The following CRYBG1 variants were observed in gnomAD, a reference collection of about 807,000 sequenced individuals.
The protein encoded by CRYBG1 is crystallin beta-gamma domain containing 1.
Under a neutral mutation model 189.2 loss-of-function variants are expected in CRYBG1, and 139 were observed. The observed-to-expected ratio is 0.73, with a 90% CI of 0.64 to 0.85. The LOEUF (loss-of-function observed/expected upper bound fraction) is 0.85. CRYBG1 is among the 40% of genes least tolerant of loss of function. The pLI is 0.00. For missense variants in CRYBG1, 2,611 were observed against 2,675.8 expected, an observed-to-expected ratio of 0.98 and a Z score of 0.53; for synonymous variants, 1,023 against 1,017.1, an observed-to-expected ratio of 1.01 and a Z score of -0.11.
chr6:106,399,156 G>C (rs545273387), intron 1 of CRYBG1, among the ~76,000 whole-genome samples: 20 of 152,196 alleles, frequency 1.3e-4, no homozygotes, highest in Admixed American at 1.3e-3. Flanking sequence ...GAAGAAGCCT[G>C]ATGAATCCCA....
chr6:106,470,686 C>T (rs1225332291), intron 2 of CRYBG1, among the ~76,000 whole-genome samples: 3 of 152,086 alleles, frequency 2.0e-5, no homozygotes, highest in Admixed American at 6.5e-5. Context: ...CTACTTAGAC[C>T]GCCTTTCTCA....
At chr6:106,416,004 A>G (rs1411678385) in intron 1 of CRYBG1, among the ~76,000 whole-genome samples, 2 of 152,134 alleles carry the variant, frequency 1.3e-5, no homozygotes, top group Non-Finnish European at 2.9e-5. Context: ...TCAAGAAAGC[A>G]TAAGCCTGCC....
intron 2 of CRYBG1, among the ~76,000 whole-genome samples, chr6:106,509,245 G>T (rs1417356): frequency 0.39 from 59,755 of 151,974 alleles, 12,624 homozygotes; most frequent in Non-Finnish European, 0.46. Flanking sequence ...CTGTTGGGAA[G>T]ATAAAATGAA....
chr6:106,444,192 T>G (rs1387109661), intron 1 of CRYBG1, among the ~76,000 whole-genome samples: 1 of 151,590 alleles, frequency 6.6e-6, no homozygotes, highest in Non-Finnish European at 1.5e-5. Context: ...CTACATTTTC[T>G]CTTCTCTGCC....
intron 2 of CRYBG1, among the ~76,000 whole-genome samples, chr6:106,470,610 A>G (rs1772213410): frequency 6.6e-6 from 1 of 152,154 alleles, no homozygotes; most frequent in East Asian, 1.9e-4. Context: ...CTGCACTATA[A>G]AAAGATGAGT....
At position 106,548,915 on chromosome 6, in the gene CRYBG1, C is replaced by T. The variant is rs1218861621; in HGVS notation, c.5313-2937C>T. ...CCCCTCCCCCCACCCCACAACAGTC[C>T]CCGGTGTGTGATGTTCCCCTTCCTG... On this transcript the variant is annotated intron_variant, in intron 13 of 21. Transcript: ENST00000633556. 5.4e-4 allele frequency among the ~76,000 whole-genome samples: 70 copies of T among 129,634 alleles called. 1 individual carries two copies. The highest frequency in any genetic ancestry group is 2.5e-4 in the Admixed American group (3 of 11,908). 85.0% of individuals were successfully genotyped at this position (129,634 alleles called of 152,430 possible).
Position 106,471,817 on chromosome 6 carries a change from G to A in CRYBG1, c.312+19985G>A, listed in dbSNP as rs73761811. Among the ~76,000 whole-genome samples the A allele has an allele frequency of 3.1e-4, 36 of 115,218 alleles. No individual in the cohort carries two copies. In the East Asian group the frequency reaches 3.2e-3, roughly 10 times the overall value. 75.6% of individuals were successfully genotyped at this position (115,218 alleles called of 152,430 possible). A position where few individuals can be genotyped will look rare whatever the true frequency, so the allele number is the denominator to read the frequency against. On this transcript the variant is annotated intron_variant, in intron 2 of 21. Coordinates refer to ENST00000633556, the MANE Select transcript of CRYBG1 (RefSeq NM_001371242.2). ...TGCCAGACAGTTAAAAAAAAAAAAAGAAGAAGAAAATTAAGAGTCTTATTT... is the reference window on the plus strand; with the variant it reads ...TGCCAGACAGTTAAAAAAAAAAAAAAAAGAAGAAAATTAAGAGTCTTATTT...
intron 1 of CRYBG1, among the ~76,000 whole-genome samples, chr6:106,418,936 T>C (rs925768192): frequency 1.3e-5 from 2 of 152,220 alleles, no homozygotes; most frequent in Admixed American, 6.5e-5. Context: ...CTGATTTACA[T>C]AGGGCCTAAA....
At chr6:106,558,420 A>G in intron 17 of CRYBG1, 66 bp from the exon 18 acceptor site, 6 of 1,356,642 alleles carry the variant, frequency 4.4e-6, no homozygotes, top group Middle Eastern at 1.9e-4. Context: ...TAACAAGATG[A>G]TTTTCACATA....
chr6:106,543,384 G>A, intron 10 of CRYBG1, 56 bp from the exon 11 acceptor site: 3 of 1,495,950 alleles, frequency 2.0e-6, no homozygotes, highest in Non-Finnish European at 2.8e-6. Flanking sequence ...CTGATTTAAT[G>A]TTAAGCTGTT....
Position 106,379,560 on chromosome 6 carries a change from CTCTTT to C in CRYBG1, c.173+18490_173+18494del, listed in dbSNP as rs747318705. On this transcript the variant is annotated intron_variant, in intron 1 of 21. Transcript: ENST00000633556. ...ACAGGCGTGAGCCACCGTGCCTGGC[CTCTTT>C]TCTTTTCTTTAAGAGATGAGGTCTT... is the stretch of plus-strand genomic sequence containing the variant. Among the ~76,000 whole-genome samples, 9 of 151,962 alleles carry C rather than the reference CTCTTT, an allele frequency of 5.9e-5. No individual in the cohort carries two copies. The South Asian group carries it at 6.3e-4, about 11-fold the overall frequency.
intron 1 of CRYBG1, among the ~76,000 whole-genome samples, chr6:106,365,433 A>G (rs1405395985): frequency 2.9e-5 from 4 of 138,230 alleles, no homozygotes; most frequent in Admixed American, 7.8e-5. Context: ...TCTCAAAAAA[A>G]GCAAAACGAA....
intron 2 of CRYBG1, among the ~76,000 whole-genome samples, chr6:106,493,992 T>C (rs1395658909): frequency 6.6e-6 from 1 of 152,174 alleles, no homozygotes; most frequent in African/African-American, 2.4e-5. Flanking sequence ...GAATATGTGG[T>C]ATATGCATAC....
chr6:106,422,502 T>C (rs1476353729), intron 1 of CRYBG1, among the ~76,000 whole-genome samples: 1 of 151,898 alleles, frequency 6.6e-6, no homozygotes, highest in Admixed American at 6.6e-5. Context: ...CAGCTAATTT[T>C]TGTATTGTTT....
chr6:106,475,140 T>C (rs926232122), intron 2 of CRYBG1, among the ~76,000 whole-genome samples: 1 of 152,156 alleles, frequency 6.6e-6, no homozygotes, highest in African/African-American at 2.4e-5. Flanking sequence ...AGAATAAATA[T>C]ATAAAAATCA....
At chr6:106,525,757 G>A (rs1773725895) in intron 6 of CRYBG1, among the ~76,000 whole-genome samples, 2 of 151,870 alleles carry the variant, frequency 1.3e-5, no homozygotes, top group African/African-American at 4.8e-5. Flanking sequence ...GGCCAGATAC[G>A]ACTTTTCAAA....
chr6:106,479,196 A>C (rs57530310), intron 2 of CRYBG1, among the ~76,000 whole-genome samples: 5 of 152,222 alleles, frequency 3.3e-5, no homozygotes, highest in African/African-American at 1.2e-4. Flanking sequence ...TTGTATGGAC[A>C]TATATTTTCA....
At chr6:106,410,058 A>G (rs1436692179) in intron 1 of CRYBG1, among the ~76,000 whole-genome samples, 1 of 152,236 alleles carries the variant, frequency 6.6e-6, no homozygotes, top group African/African-American at 2.4e-5. Context: ...CTGCACAGCA[A>G]AAGATACTAC....
chr6:106,444,013 G>T (rs1289370152), intron 1 of CRYBG1, among the ~76,000 whole-genome samples: 1 of 151,862 alleles, frequency 6.6e-6, no homozygotes, highest in Admixed American at 6.6e-5. Flanking sequence ...TATTCTGCCA[G>T]GCTTTTTCCT....
Sources: allele counts gnomAD v4.1 joint callset (sites outside exome capture counted in the v4.1 genomes callset), GRCh38; gene constraint gnomAD v4.1.1; transcripts MANE v1.5; gene names NCBI Gene and HGNC (gene_info 2026-07-23, HGNC 2026-07-21).